The following PLG variants were observed in gnomAD, a reference collection of about 807,000 sequenced individuals.
The protein encoded by PLG is plasmin.
In PLG, 41 loss-of-function variants were observed where a neutral mutation model predicts 104.4. The observed-to-expected ratio is 0.39, with a 90% confidence interval of 0.31 to 0.51. The LOEUF (loss-of-function observed/expected upper bound fraction) is 0.51, where lower values mean the gene tolerates loss of function less well. Among genes scored for constraint, PLG ranks in the 20% least tolerant of loss-of-function variants. The probability of loss-of-function intolerance (pLI) is 0.76; values close to 1 mark genes in which losing one functional copy is unlikely to be tolerated. For missense variants in PLG, 891 were observed against 1,003.6 expected (o/e 0.89, Z 1.52); for synonymous variants, 337 against 357.1 (o/e 0.94, Z 0.63).
chr6:160,736,810 T>C lies in PLG; in HGVS notation c.1682-77T>C, dbSNP rs1778088699. On this transcript the variant is annotated intron_variant, in intron 13 of 18. Coordinates refer to ENST00000308192, the MANE Select transcript of PLG (RefSeq NM_000301.5). The surrounding 1 kb of genome is among the most constrained non-coding windows in gnomAD (Gnocchi z 5.2). ...CTTTAAGATGTCAAAAACTCAGTGC[T>C]TGGAATTTGTCTCGAATTACACCAC... The C allele has an allele frequency of 6.3e-7, 1 of 1,588,214 alleles. No homozygotes were observed. Among genetic ancestry groups the C allele is most frequent in the Non-Finnish European group, 8.6e-7 (1 of 1,158,346 alleles).
Position 160,718,809 on chromosome 6 carries a change from C to G in PLG, c.1067C>G (p.Pro356Arg), listed in dbSNP as rs927936303. 1 of 1,613,862 alleles carries G rather than the reference C, an allele frequency of 6.2e-7. No homozygotes were observed. The highest frequency in any genetic ancestry group is 1.7e-4 in the Middle Eastern group (1 of 6,052). ...AAGATACCGTCCTGTGACTCCTCCC[C>G]AGTATCCACGGAACAATTGGCTCCC... ...YCKIPSCDSS[P>R]VSTEQLAPTA... Residue 356 changes from proline (P) to arginine (R), a missense_variant, in exon 9 of 19, where the codon CCA becomes CGA. Pro to Arg is a moderately radical substitution (Grantham distance 103, BLOSUM62 -2). Coordinates refer to ENST00000308192, the MANE Select transcript of PLG (RefSeq NM_000301.5).
intron 17 of PLG, among the ~76,000 whole-genome samples, chr6:160,751,705 C>A (rs915713660): frequency 6.6e-6 from 1 of 151,954 alleles, no homozygotes; most frequent in African/African-American, 2.4e-5. Context: ...AAACTCATGA[C>A]ACAATGATGA....
At chr6:160,720,202 T>C (rs1777804759) in intron 9 of PLG, among the ~76,000 whole-genome samples, 1 of 152,060 alleles carries the variant, frequency 6.6e-6, no homozygotes, top group South Asian at 2.1e-4. Flanking sequence ...TTTTAAATAG[T>C]TTGACTAGTA....
intron 10 of PLG, among the ~76,000 whole-genome samples, chr6:160,728,684 G>T (rs988025682): frequency 2.0e-5 from 3 of 151,952 alleles, no homozygotes; most frequent in Non-Finnish European, 4.4e-5. Context: ...GAAACAATCG[G>T]ATATCCATCT....
chr6:160,739,689 A>C lies in PLG; in HGVS notation c.2018+481A>C, dbSNP rs1778155428. Among the ~76,000 whole-genome samples the C allele has an allele frequency of 6.7e-6, 1 of 149,496 alleles. No individual in the cohort carries two copies. Reference sequence around the variant, plus strand: ...GGCAGGAGGGTCACTTGAGTCCCGGAGTTTGAGGCTGCAGTGAGTTATGAT... The same window carrying C: ...GGCAGGAGGGTCACTTGAGTCCCGGCGTTTGAGGCTGCAGTGAGTTATGAT... On this transcript the variant is annotated intron_variant, in intron 16 of 18. Coordinates refer to ENST00000308192, the MANE Select transcript of PLG (RefSeq NM_000301.5). The surrounding 1 kb of genome is among the most constrained non-coding windows in gnomAD (Gnocchi z 4.4).
Position 160,731,774 on chromosome 6 carries a change from C to T in PLG, c.1468C>T (p.Arg490Ter), listed in dbSNP as rs367707054. The change falls in exon 12 of 19, where the codon CGA becomes TGA. Residue 490 changes from arginine to a stop codon, truncating the protein, a stop_gained. Transcript: ENST00000308192. LOFTEE classifies it high-confidence loss of function. The surrounding 1 kb of genome is among the most constrained non-coding windows in gnomAD (Gnocchi z 5.1). Reference protein sequence around the residue: ...DCMFGNGKGYRGKRATTVTGT... With the variant: ...DCMFGNGKGY ...TATGTTTGGGAATGGGAAAGGATACCGAGGCAAGAGGGCGACCACTGTTAC... is the reference window on the plus strand; with the variant it reads ...TATGTTTGGGAATGGGAAAGGATACTGAGGCAAGAGGGCGACCACTGTTAC... 13 of 1,613,720 alleles carry T rather than the reference C, an allele frequency of 8.1e-6. No homozygotes were observed. The highest frequency in any genetic ancestry group is 1.3e-5 in the African/African-American group (1 of 74,830).
Position 160,736,774 on chromosome 6 carries a change from T to A in PLG, c.1682-113T>A, listed in dbSNP as rs375895176. The A allele has an allele frequency of 7.5e-7, 1 of 1,339,788 alleles. No individual in the cohort carries two copies. The allele number at this position is 1,339,788 out of a possible 1,614,324, so 83.0% of individuals were successfully genotyped here. On this transcript the variant is annotated intron_variant, in intron 13 of 18. Coordinates refer to ENST00000308192, the MANE Select transcript of PLG (RefSeq NM_000301.5). The surrounding 1 kb of genome is among the most constrained non-coding windows in gnomAD (Gnocchi z 5.2). ...GTTCCAAAAGATGATGATTTTACTATTTAGTTCGGCCTTTAAGATGTCAAA... is the reference window on the plus strand; with the variant it reads ...GTTCCAAAAGATGATGATTTTACTAATTAGTTCGGCCTTTAAGATGTCAAA...
chr6:160,702,593 G>A lies in PLG; in HGVS notation c.49+240G>A, dbSNP rs182186360. 2.8e-3 allele frequency among the ~76,000 whole-genome samples: 431 copies of A among 152,312 alleles called. 3 individuals are homozygous for A. The highest frequency in any genetic ancestry group is 7.3e-3 in the South Asian group (35 of 4,822). On this transcript the variant is annotated intron_variant, in intron 1 of 18. Coordinates refer to ENST00000308192, the MANE Select transcript of PLG (RefSeq NM_000301.5). ...AATGGGTGATTTTTCAAATCTAAAT[G>A]AGTGCACCCACATAATGGCCAGTCT...
In PLG at chr6:160,740,945, T is replaced by G. The variant is rs964947320; in HGVS notation, c.2019-366T>G. Among the ~76,000 whole-genome samples the G allele has an allele frequency of 6.6e-6, 1 of 152,146 alleles. No homozygotes were observed. Among genetic ancestry groups the G allele is most frequent in the African/African-American group, 2.4e-5 (1 of 41,416 alleles). On this transcript the variant is annotated intron_variant, in intron 16 of 18. Transcript: ENST00000308192. The surrounding 1 kb of genome is among the most constrained non-coding windows in gnomAD (Gnocchi z 5.2). The stretch of plus-strand genomic sequence containing the variant: ...CTCTTGGTGGCATCTCAGTCAGACA[T>G]TCCATGCACTGATCAATGCCCTATT...
intron 6 of PLG, among the ~76,000 whole-genome samples, chr6:160,716,341 T>C (rs376003325): frequency 2.0e-5 from 3 of 152,228 alleles, no homozygotes; most frequent in African/African-American, 7.2e-5. Flanking sequence ...CACATGCCTG[T>C]AGTCCTAGTT....
rs2115168281 is a variant in PLG, at chr6:160,723,831, A to C, written c.1256+1264A>C. 6.6e-6 allele frequency among the ~76,000 whole-genome samples: 1 copy of C among 152,228 alleles called. No individual in the cohort carries two copies. The highest frequency in any genetic ancestry group is 6.5e-5 in the Admixed American group (1 of 15,276). Reference sequence around the variant, plus strand: ...TGAGTTCTGACCAGCCTGAGGAGAGACCTCGCTGAACATCTTGGGCATTCA... The same window carrying C: ...TGAGTTCTGACCAGCCTGAGGAGAGCCCTCGCTGAACATCTTGGGCATTCA... On this transcript the variant is annotated intron_variant, in intron 10 of 18. Coordinates refer to ENST00000308192, the MANE Select transcript of PLG (RefSeq NM_000301.5). The surrounding 1 kb of genome is among the most constrained non-coding windows in gnomAD (Gnocchi z 4.7).
At chr6:160,751,525 T>C (rs1324714620) in intron 17 of PLG, among the ~76,000 whole-genome samples, 2 of 152,274 alleles carry the variant, frequency 1.3e-5, no homozygotes, top group Non-Finnish European at 2.9e-5. Context: ...TAAGGTTTAC[T>C]ATTTTAACCA....
intron 17 of PLG, among the ~76,000 whole-genome samples, chr6:160,748,477 A>AGGGAGGGAGGG (rs1778335411): frequency 1.6e-5 from 1 of 61,008 alleles, no homozygotes; most frequent in Non-Finnish European, 3.5e-5. Flanking sequence ...GGGAGGGAGG[A>AGGGAGGGAGGG]AGGGTGGGTG....
rs1342529535 is a variant in PLG, at chr6:160,735,823, A to G, written c.1682-1064A>G. On this transcript the variant is annotated intron_variant, in intron 13 of 18. Transcript: ENST00000308192. This position sits in a 1 kb window ranked among gnomAD's most constrained non-coding sequence, Gnocchi z 5.4. ...TAGTACAACGATGCATGTCTACTGT[A>G]TGTAAGGCATACTAGCAGAAATTGA... Among the ~76,000 whole-genome samples, 1 of 152,206 alleles carries G rather than the reference A, an allele frequency of 6.6e-6. No individual in the cohort carries two copies. The highest frequency in any genetic ancestry group is 1.5e-5 in the Non-Finnish European group (1 of 68,044).
At chr6:160,727,807 C>T (rs1777942074) in intron 10 of PLG, among the ~76,000 whole-genome samples, 3 of 151,914 alleles carry the variant, frequency 2.0e-5, no homozygotes, top group Admixed American at 2.0e-4. Context: ...CTACAAAAGA[C>T]CTCCAGATAA....
At chr6:160,748,694 A>G (rs1778341783) in intron 17 of PLG, among the ~76,000 whole-genome samples, 1 of 152,186 alleles carries the variant, frequency 6.6e-6, no homozygotes. Flanking sequence ...TGGATTAAGC[A>G]AAAAAGAGAA....
rs1778020670 is a variant in PLG, at chr6:160,732,826, C to CCA, written c.1587+934_1587+935insAC. 6.6e-6 allele frequency among the ~76,000 whole-genome samples: 1 copy of CCA among 152,156 alleles called. No individual in the cohort carries two copies. The highest frequency in any genetic ancestry group is 2.4e-5 in the African/African-American group (1 of 41,434). On this transcript the variant is annotated intron_variant, in intron 12 of 18. Coordinates refer to ENST00000308192, the MANE Select transcript of PLG (RefSeq NM_000301.5). The surrounding 1 kb of genome is among the most constrained non-coding windows in gnomAD (Gnocchi z 4.5). ...CATGCCCTCTCCAGTGCACCAGCCC[C>CCA]CGGTACCCCAAGTGTTCAGCAACCC... is the stretch of plus-strand genomic sequence containing the variant.
In PLG at chr6:160,735,113, C is replaced by T. The variant is rs1223703860; in HGVS notation, c.1681+1025C>T. ...CTTGGCCAATATTATTGTAATGCGG[C>T]ATTGTGATCTCTGGATTTAGCATGA... On this transcript the variant is annotated intron_variant, in intron 13 of 18. Transcript: ENST00000308192. This position sits in a 1 kb window ranked among gnomAD's most constrained non-coding sequence, Gnocchi z 5.4. Among the ~76,000 whole-genome samples the T allele has an allele frequency of 6.6e-6, 1 of 152,132 alleles. No individual in the cohort carries two copies. The highest frequency in any genetic ancestry group is 1.9e-4 in the East Asian group (1 of 5,192).
chr6:160,729,003 A>T (rs1777958949), intron 10 of PLG, among the ~76,000 whole-genome samples: 1 of 152,210 alleles, frequency 6.6e-6, no homozygotes, highest in Non-Finnish European at 1.5e-5. Flanking sequence ...CTCCATCCAT[A>T]TATCTGACAA....
Sources: gnomAD v4.1 joint callset for allele counts (sites outside exome capture counted in the v4.1 genomes callset) on GRCh38, gnomAD v4.1.1 for gene constraint, Gnocchi (gnomAD v3.1) non-coding constraint, MANE v1.5 for transcripts, NCBI Gene and HGNC (gene_info 2026-07-23, HGNC 2026-07-21) for gene names.